Variants in DEPDC5 observed in about 807,000 individuals in gnomAD.
The protein encoded by DEPDC5 is GATOR1 complex protein DEPDC5.
Under a neutral mutation model 217.3 loss-of-function variants are expected in DEPDC5, and 73 were observed. The ratio of observed to expected loss-of-function variants is 0.34; its 90% CI spans 0.28 to 0.41. DEPDC5 has a LOEUF of 0.41. DEPDC5 is among the 10% of genes least tolerant of loss of function. The pLI is 1.00. For synonymous variants in DEPDC5, 733 were observed against 756.7 expected, an observed-to-expected ratio of 0.97 and a Z score of 0.51; for missense variants, 1,675 against 2,070.1, an observed-to-expected ratio of 0.81 and a Z score of 3.70.
chr22:31,775,045 GC>G (rs1284989929), intron 7 of DEPDC5, among the ~76,000 whole-genome samples: 1 of 152,188 alleles, frequency 6.6e-6, no homozygotes, highest in East Asian at 1.9e-4. Flanking sequence ...TAAGCCATGG[GC>G]CTGGTCCAGC....
chr22:31,822,906 T>G, intron 24 of DEPDC5, 116 bp downstream of exon 24: 12 of 1,049,440 alleles, frequency 1.1e-5, no homozygotes, highest in Non-Finnish European at 1.6e-5. Context: ...TCAGCCACAC[T>G]TTTGGGTGAC....
At chr22:31,881,257 G>A (rs1017305342) in intron 38 of DEPDC5, among the ~76,000 whole-genome samples, 3 of 147,608 alleles carry the variant, frequency 2.0e-5, no homozygotes, top group Non-Finnish European at 3.0e-5. Flanking sequence ...AGCTGAGATC[G>A]CCCCATTGTA....
intron 24 of DEPDC5, among the ~76,000 whole-genome samples, chr22:31,829,467 G>A (rs573494253): frequency 1.6e-4 from 25 of 152,232 alleles, no homozygotes; most frequent in African/African-American, 5.5e-4. Flanking sequence ...GGGAGGTGGA[G>A]GTTGCAGTGA....
intron 4 of DEPDC5, among the ~76,000 whole-genome samples, chr22:31,761,338 A>G (rs1245483176): frequency 1.3e-5 from 2 of 152,012 alleles, no homozygotes; most frequent in East Asian, 3.9e-4. Flanking sequence ...TGGAGTCCCA[A>G]GTGTCTATTA....
rs140229374 is a variant in DEPDC5, at chr22:31,831,894, C to T, written c.2105-2021C>T. Among the ~76,000 whole-genome samples, 322 of 152,302 alleles carry T rather than the reference C, an allele frequency of 2.1e-3. 2 individuals are homozygous for T. Among genetic ancestry groups the T allele is most frequent in the African/African-American group, 7.2e-3 (298 of 41,568 alleles). On this transcript the variant is annotated intron_variant, in intron 24 of 42. Coordinates refer to ENST00000651528, the MANE Select transcript of DEPDC5 (RefSeq NM_001242896.3). Reference sequence around the variant, plus strand: ...CATCAAGATAAGAAAATTTCCATCACCACCCAAAATTCCCTTGTGCTGTTG... The same window carrying T: ...CATCAAGATAAGAAAATTTCCATCATCACCCAAAATTCCCTTGTGCTGTTG...
chr22:31,804,929 C>T lies in DEPDC5; in HGVS notation c.1217+14C>T, dbSNP rs368665888. 163 of 1,609,690 alleles carry T rather than the reference C, an allele frequency of 1.0e-4. No homozygotes were observed. Among genetic ancestry groups the T allele is most frequent in the African/African-American group, 1.3e-4 (10 of 74,790 alleles). ...GATAAACCACAGGTGGGTGCGATCT[C>T]GATCAATAGTAGGTGATAAGCGTTT... On this transcript the variant is annotated intron_variant, in intron 17 of 42. Transcript: ENST00000651528.
chr22:31,791,967 G>T, intron 10 of DEPDC5, 66 bp from the exon 11 acceptor site: 1 of 744,340 alleles, frequency 1.3e-6, no homozygotes, highest in East Asian at 2.8e-5. Context: ...TTATATGCAT[G>T]CAGTCTGCTT....
intron 25 of DEPDC5, chr22:31,834,272 T>C (rs1228281557): frequency 5.3e-6 from 2 of 380,426 alleles, no homozygotes; most frequent in African/African-American, 4.0e-5. Flanking sequence ...CACCCTTAAC[T>C]GCCTAATGAT....
chr22:31,801,794 T>C (rs2086893659), intron 14 of DEPDC5, among the ~76,000 whole-genome samples: 1 of 152,148 alleles, frequency 6.6e-6, no homozygotes, highest in Non-Finnish European at 1.5e-5. Flanking sequence ...CATCACTATG[T>C]ATATCATCTT....
intron 7 of DEPDC5, among the ~76,000 whole-genome samples, chr22:31,775,326 C>T (rs1337239622): frequency 1.3e-5 from 2 of 152,152 alleles, no homozygotes; most frequent in East Asian, 3.9e-4. Context: ...ATTACAGGCA[C>T]CTGCCACCAC....
At chr22:31,817,757 G>A (rs1383880335) in intron 21 of DEPDC5, among the ~76,000 whole-genome samples, 2 of 152,014 alleles carry the variant, frequency 1.3e-5, no homozygotes, top group African/African-American at 4.8e-5. Flanking sequence ...AAAGTGCTGG[G>A]ATTACAGGAA....
intron 38 of DEPDC5, among the ~76,000 whole-genome samples, chr22:31,882,966 C>T (rs138359580): frequency 5.3e-5 from 8 of 152,142 alleles, no homozygotes; most frequent in Admixed American, 3.9e-4. Context: ...AGGAATTATT[C>T]TAATGTGAAT....
Position 31,815,190 on chromosome 22 carries a change from C to T in DEPDC5, c.1644C>T (p.Ser548=), listed in dbSNP as rs1224433613. 2 of 1,614,044 alleles carry T rather than the reference C, an allele frequency of 1.2e-6. No individual in the cohort carries two copies. The highest frequency in any genetic ancestry group is 2.2e-5 in the East Asian group (1 of 44,896). The part of the protein sequence containing the change: ...PHLHQYEVSS[S]LGYTSTRDVL... Reference sequence around the variant, plus strand: ...TGCACCAGTATGAAGTCAGCAGCTCCTTGGGATACACCAGCACTCGAGGTA... The same window carrying T: ...TGCACCAGTATGAAGTCAGCAGCTCTTTGGGATACACCAGCACTCGAGGTA... Residue 548 remains serine, a synonymous_variant, in exon 21 of 43, where the codon TCC becomes TCT. Coordinates refer to ENST00000651528, the MANE Select transcript of DEPDC5 (RefSeq NM_001242896.3).
chr22:31,845,391 C>T (rs1406315211), intron 30 of DEPDC5, among the ~76,000 whole-genome samples, 154 bp downstream of exon 30: 4 of 152,184 alleles, frequency 2.6e-5, no homozygotes, highest in Admixed American at 6.5e-5. Flanking sequence ...TCCTCCACCG[C>T]GGGGTAAAGG....
chr22:31,818,911 A>G (rs1310336347), intron 21 of DEPDC5, 111 bp from the exon 22 acceptor site: 11 of 1,114,610 alleles, frequency 9.9e-6, no homozygotes, highest in African/African-American at 6.2e-5. Flanking sequence ...ACTCCCTGAC[A>G]TTTATAATGC....
intron 18 of DEPDC5, among the ~76,000 whole-genome samples, chr22:31,808,091 T>C (rs1027735342): frequency 6.6e-6 from 1 of 152,092 alleles, no homozygotes; most frequent in African/African-American, 2.4e-5. Context: ...AAAACTTCTC[T>C]GCACCATGAT....
At chr22:31,778,009 A>G in intron 7 of DEPDC5, 90 bp from the exon 8 acceptor site, 1 of 1,446,242 alleles carries the variant, frequency 6.9e-7, no homozygotes, top group Non-Finnish European at 9.7e-7. Context: ...TGGCTTCCCA[A>G]AGTGCTGGGA....
chr22:31,802,924 G>C, intron 15 of DEPDC5, 86 bp downstream of exon 15: 6 of 1,450,288 alleles, frequency 4.1e-6, no homozygotes, highest in Non-Finnish European at 5.5e-6. Flanking sequence ...ACTTCTTAGA[G>C]TGTGAGGAGC....
At chr22:31,799,019 A>T (rs1180832971) in intron 14 of DEPDC5, among the ~76,000 whole-genome samples, 3 of 150,144 alleles carry the variant, frequency 2.0e-5, no homozygotes, top group African/African-American at 7.4e-5. Flanking sequence ...TCAAGAATCT[A>T]TATTATTATC....
Sources: allele counts gnomAD v4.1 joint callset (sites outside exome capture counted in the v4.1 genomes callset), GRCh38; gene constraint gnomAD v4.1.1; transcripts MANE v1.5; gene names NCBI Gene and HGNC (gene_info 2026-07-23, HGNC 2026-07-21).